Variants in PPHLN1 observed in about 807,000 individuals in gnomAD.
The protein encoded by PPHLN1 is periphilin 1.
A neutral mutation model predicts 51.3 loss-of-function variants in PPHLN1; 29 were observed. That is an observed-to-expected ratio of 0.57 (90% CI 0.42 to 0.77). The LOEUF is 0.77. Among genes scored for constraint, PPHLN1 ranks in the 30% least tolerant of loss-of-function variants. The pLI is 0.00. For synonymous variants in PPHLN1, 147 were observed against 147.8 expected, an observed-to-expected ratio of 0.99 and a Z score of 0.04; for missense variants, 436 against 438.4, an observed-to-expected ratio of 0.99 and a Z score of 0.05.
chr12:42,434,527 T>C (rs1405991789), intron 9 of PPHLN1, among the ~76,000 whole-genome samples: 1 of 152,274 alleles, frequency 6.6e-6, no homozygotes, highest in East Asian at 1.9e-4. Context: ...AATTGGTTTC[T>C]GTATTGGGGG....
chr12:42,394,610 T>C (rs1454033615), intron 8 of PPHLN1, among the ~76,000 whole-genome samples: 1 of 152,122 alleles, frequency 6.6e-6, no homozygotes, highest in South Asian at 2.1e-4. Flanking sequence ...ATAGAGCCTT[T>C]CTTTTTAAAA....
At chr12:42,430,197 T>C (rs1008476786) in intron 9 of PPHLN1, among the ~76,000 whole-genome samples, 1 of 152,098 alleles carries the variant, frequency 6.6e-6, no homozygotes, top group Non-Finnish European at 1.5e-5. Context: ...AATGATCTAA[T>C]CAACTGTGTT....
intron 5 of PPHLN1, among the ~76,000 whole-genome samples, chr12:42,378,992 G>T (rs975260997): frequency 1.3e-5 from 2 of 150,694 alleles, no homozygotes; most frequent in South Asian, 2.1e-4. Flanking sequence ...TGTGTATTAT[G>T]ATACTTTCCT....
chr12:42,387,912 T>A (rs2077327193), intron 7 of PPHLN1, among the ~76,000 whole-genome samples: 1 of 152,248 alleles, frequency 6.6e-6, no homozygotes, highest in Admixed American at 6.5e-5. Context: ...TCTAGGGCTG[T>A]GCAGGATGTG....
intron 9 of PPHLN1, among the ~76,000 whole-genome samples, chr12:42,400,749 G>A (rs889708042): frequency 1.5e-4 from 23 of 151,642 alleles, no homozygotes; most frequent in African/African-American, 2.7e-4. Flanking sequence ...AGGGGAGAGC[G>A]AGACCCTGTC....
At position 42,371,059 on chromosome 12, in the gene PPHLN1, G is replaced by A. The variant is rs570132682; in HGVS notation, c.300-3804G>A. The stretch of plus-strand genomic sequence containing the variant: ...GCCCTCAAGTGATCCGCCCTGCCTC[G>A]GCCTCCCAAAGTGCTGGGATTACAG... On this transcript the variant is annotated intron_variant, in intron 4 of 9. Coordinates refer to ENST00000358314, the MANE Select transcript of PPHLN1 (RefSeq NM_201439.2). Among the ~76,000 whole-genome samples the A allele has an allele frequency of 9.3e-5, 14 of 150,742 alleles. No homozygotes were observed. In the South Asian group the frequency reaches 2.7e-3, roughly 29 times the overall value.
intron 9 of PPHLN1, among the ~76,000 whole-genome samples, chr12:42,427,416 A>G (rs2081595546): frequency 1.3e-5 from 2 of 152,216 alleles, no homozygotes; most frequent in Admixed American, 6.5e-5. Flanking sequence ...TGGCATAAAA[A>G]CAAGCACATA....
chr12:42,344,299 G>T (rs544845029), intron 2 of PPHLN1, among the ~76,000 whole-genome samples: 44 of 152,256 alleles, frequency 2.9e-4, no homozygotes, highest in Middle Eastern at 3.4e-3. Flanking sequence ...AGGTTAGTGT[G>T]TTTTCGTTGT....
intron 2 of PPHLN1, among the ~76,000 whole-genome samples, chr12:42,341,657 C>A (rs1392547600): frequency 6.6e-6 from 1 of 152,034 alleles, no homozygotes; most frequent in African/African-American, 2.4e-5. Flanking sequence ...GAGTCTGGCT[C>A]TATCGCCCAG....
intron 9 of PPHLN1, among the ~76,000 whole-genome samples, chr12:42,434,958 G>T (rs977911556): frequency 6.6e-6 from 1 of 152,214 alleles, no homozygotes; most frequent in Admixed American, 6.5e-5. Flanking sequence ...CTCCCAAAGT[G>T]CTGGGATTAC....
At chr12:42,381,489 G>A (rs2076755055) in intron 5 of PPHLN1, among the ~76,000 whole-genome samples, 1 of 152,178 alleles carries the variant, frequency 6.6e-6, no homozygotes, top group Admixed American at 6.5e-5. Context: ...GTGCTTCCAA[G>A]TATTCAGTCA....
At chr12:42,432,388 A>C in intron 9 of PPHLN1, 1 of 753,208 alleles carries the variant, frequency 1.3e-6, no homozygotes. Context: ...ACTCTAAAAG[A>C]ACTTGCACAT....
intron 9 of PPHLN1, chr12:42,399,238 T>G (rs954514345): frequency 4.5e-5 from 49 of 1,083,248 alleles, no homozygotes; most frequent in Non-Finnish European, 5.3e-5. Flanking sequence ...AATATTCTAG[T>G]TAGTATGAAG....
rs999717339 is a variant in PPHLN1 at position 42,326,198 on chromosome 12, C to T, written c.-52C>T. 1 of 152,286 alleles carries T rather than the reference C, an allele frequency of 6.6e-6. No homozygotes were observed. Among genetic ancestry groups the T allele is most frequent in the African/African-American group, 2.4e-5 (1 of 41,446 alleles). 9.4% of individuals were successfully genotyped at this position (152,286 alleles called of 1,614,324 possible). A position where few individuals can be genotyped will look rare whatever the true frequency, so the allele number is the denominator to read the frequency against. On this transcript the variant is annotated 5_prime_UTR_variant, in exon 1 of 10. Transcript: ENST00000358314. ...GATAACGGCGGCGAGCGGACGGCTG[C>T]ATTTACGGGGTCTCCCGGAGGGCCA...
intron 4 of PPHLN1, among the ~76,000 whole-genome samples, chr12:42,362,655 C>A (rs186178952): frequency 4.0e-4 from 61 of 152,336 alleles, no homozygotes; most frequent in Admixed American, 9.8e-4. Context: ...ACTTTTACTT[C>A]TGCATTTATT....
chr12:42,405,741 A>G (rs1355713416), intron 9 of PPHLN1, among the ~76,000 whole-genome samples: 6 of 152,196 alleles, frequency 3.9e-5, no homozygotes, highest in Non-Finnish European at 2.9e-5. Flanking sequence ...TAAGATTTTT[A>G]ATCCCTCAAT....
At position 42,354,191 on chromosome 12, in the gene PPHLN1, T is replaced by A. The variant is rs139400562; in HGVS notation, c.238-970T>A. ...CGAATCCGTTTTCCTGATACGTAAT[T>A]TGCATATTGTATTATTCTATGTATA... On this transcript the variant is annotated intron_variant, in intron 3 of 9. Transcript: ENST00000358314. 1.1e-4 allele frequency among the ~76,000 whole-genome samples: 17 copies of A among 152,274 alleles called. No homozygotes were observed. In the East Asian group the frequency reaches 3.3e-3, roughly 29 times the overall value.
At chr12:42,439,163 T>C (rs988007192) in intron 9 of PPHLN1, among the ~76,000 whole-genome samples, 3 of 152,224 alleles carry the variant, frequency 2.0e-5, no homozygotes, top group Non-Finnish European at 4.4e-5. Flanking sequence ...GTAAATATTA[T>C]AGTTTTGCAT....
chr12:42,330,887 T>C (rs1438388476), intron 1 of PPHLN1, among the ~76,000 whole-genome samples: 1 of 152,124 alleles, frequency 6.6e-6, no homozygotes, highest in African/African-American at 2.4e-5. Flanking sequence ...TTTTTTGTAT[T>C]TTTGGTAGAG....
Sources: gnomAD v4.1 joint callset for allele counts (sites outside exome capture counted in the v4.1 genomes callset) on GRCh38, gnomAD v4.1.1 for gene constraint, MANE v1.5 for transcripts, NCBI Gene and HGNC (gene_info 2026-07-23, HGNC 2026-07-21) for gene names.